The following SLC4A3 variants were observed in gnomAD, a reference collection of about 807,000 sequenced individuals.
SLC4A3 encodes the protein solute carrier family 4 member 3, also known as anion exchange protein 3.
In SLC4A3, 47 loss-of-function variants were observed where a neutral mutation model predicts 114.2. That is an observed-to-expected ratio of 0.41 (90% CI 0.33 to 0.52). The LOEUF (loss-of-function observed/expected upper bound fraction) is 0.52, where lower values mean the gene tolerates loss of function less well. Among genes scored for constraint, SLC4A3 ranks in the 20% least tolerant of loss-of-function variants. SLC4A3 has a pLI of 0.21. For synonymous variants in SLC4A3, 693 were observed against 710.3 expected, an observed-to-expected ratio of 0.98 and a Z score of 0.39; for missense variants, 1,312 against 1,668.3, an observed-to-expected ratio of 0.79 and a Z score of 3.72.
Position 219,628,271 on chromosome 2 carries a change from A to G in SLC4A3, c.52-134A>G. 6 of 996,096 alleles carry G rather than the reference A, an allele frequency of 6.0e-6. No individual in the cohort carries two copies. Among genetic ancestry groups the G allele is most frequent in the Non-Finnish European group, 8.7e-6 (6 of 689,020 alleles). 61.7% of individuals were successfully genotyped at this position (996,096 alleles called of 1,614,324 possible). A position where few individuals can be genotyped will look rare whatever the true frequency, so the allele number is the denominator to read the frequency against. On this transcript the variant is annotated intron_variant, in intron 2 of 22. Coordinates refer to ENST00000358055, the MANE Select transcript of SLC4A3 (RefSeq NM_005070.4). This position sits in a 1 kb window ranked among gnomAD's most constrained non-coding sequence, Gnocchi z 4.8. ...AGGGTGGTTTCTGGGATGCTGACAC[A>G]GGCCTGGGAGCAAGGGGAGGGGGCC...
chr2:219,638,926 G>A lies in SLC4A3; in HGVS notation c.3023+57G>A. On this transcript the variant is annotated intron_variant, in intron 19 of 22. Coordinates refer to ENST00000358055, the MANE Select transcript of SLC4A3 (RefSeq NM_005070.4). This position sits in a 1 kb window ranked among gnomAD's most constrained non-coding sequence, Gnocchi z 7.5. ...ACGAGGCCAAGCTCCTTGGCTCCTT[G>A]GCTTGGTTTCAGGGTTATAGCAGGG... is the stretch of plus-strand genomic sequence containing the variant. 6.3e-7 allele frequency: 1 copy of A among 1,583,944 alleles called. No individual in the cohort carries two copies. Among genetic ancestry groups the A allele is most frequent in the Non-Finnish European group, 8.6e-7 (1 of 1,164,038 alleles).
intron 8 of SLC4A3, 98 bp from the exon 9 acceptor site, chr2:219,632,776 C>T (rs1180960940): frequency 4.0e-6 from 6 of 1,510,228 alleles, no homozygotes; most frequent in Middle Eastern, 1.7e-4. Context: ...TTTGCCCTTC[C>T]AGCACATTCG....
rs1371205447 is a variant in SLC4A3, at chr2:219,640,835, G to A, written c.3494G>A (p.Cys1165Tyr). 1.9e-6 allele frequency: 3 copies of A among 1,612,498 alleles called. No homozygotes were observed. The highest frequency in any genetic ancestry group is 8.5e-7 in the Non-Finnish European group (1 of 1,180,020). Residue 1165 changes from cysteine to tyrosine, a missense_variant, in exon 22 of 23, where the codon TGC becomes TAC. Coordinates refer to ENST00000358055, the MANE Select transcript of SLC4A3 (RefSeq NM_005070.4). ...CTGTTCACCTGCATCCAGCTGGGCT[G>A]CATCGCACTGCTCTGGGTGGTCAAG... ...MHLFTCIQLG[C>Y]IALLWVVKST...
chr2:219,640,369 G>A, intron 20 of SLC4A3, 61 bp from the exon 21 acceptor site: 1 of 1,557,696 alleles, frequency 6.4e-7, no homozygotes, highest in Non-Finnish European at 8.7e-7. Flanking sequence ...ACCTCTTCCA[G>A]GCCTGTCCAT....
chr2:219,632,674 G>A (rs1038582163), intron 8 of SLC4A3, among the ~76,000 whole-genome samples, 200 bp from the exon 9 acceptor site: 2 of 152,220 alleles, frequency 1.3e-5, no homozygotes, highest in African/African-American at 2.4e-5. Flanking sequence ...GGGAGGGGCC[G>A]TGCCCTCGTT....
In SLC4A3 at chr2:219,631,020, T is replaced by A. The variant is rs576221133; in HGVS notation, c.811+668T>A. The A allele has an allele frequency of 1.9e-4, 128 of 656,918 alleles. No homozygotes were observed. The African/African-American group carries it at 2.6e-3, about 13-fold the overall frequency. The allele number at this position is 656,918 out of a possible 1,614,324, so 40.7% of individuals were successfully genotyped here. On this transcript the variant is annotated intron_variant, in intron 6 of 22. Transcript: ENST00000358055. The surrounding 1 kb of genome is among the most constrained non-coding windows in gnomAD (Gnocchi z 6.3). ...GACAGGAACAATCCGATGGCAGCAG[T>A]AGCAGCAGGATGGGGGGTGGGGGAG...
At chr2:219,629,886 G>T (rs116193715) in intron 5 of SLC4A3, among the ~76,000 whole-genome samples, 191 bp downstream of exon 5, 42 of 144,278 alleles carry the variant, frequency 2.9e-4, no homozygotes, top group Middle Eastern at 6.9e-3. Flanking sequence ...AGAACAAGGG[G>T]GGGGGGAGAA....
rs1217816944 is a variant in SLC4A3 at position 219,639,192 on chromosome 2, C to T, written c.3024-290C>T. ...AGAACACTCTAGCAGTCTAAGCTTG[C>T]ACCCAGGGATGCTCACATGTATCTA... On this transcript the variant is annotated intron_variant, in intron 19 of 22. Coordinates refer to ENST00000358055, the MANE Select transcript of SLC4A3 (RefSeq NM_005070.4). The surrounding 1 kb of genome is among the most constrained non-coding windows in gnomAD (Gnocchi z 5.9). 1.3e-5 allele frequency among the ~76,000 whole-genome samples: 2 copies of T among 152,184 alleles called. No homozygotes were observed. The highest frequency in any genetic ancestry group is 4.8e-5 in the African/African-American group (2 of 41,428).
rs976890389 is a variant in SLC4A3, at chr2:219,627,898, A to G, written c.-93-2A>G. 6 of 942,716 alleles carry G rather than the reference A, an allele frequency of 6.4e-6. No individual in the cohort carries two copies. The highest frequency in any genetic ancestry group is 3.5e-5 in the African/African-American group (2 of 57,908). 58.4% of individuals were successfully genotyped at this position (942,716 alleles called of 1,614,324 possible). On this transcript the variant is annotated splice_acceptor_variant, in intron 1 of 22. Transcript: ENST00000358055. LOFTEE classifies it low-confidence loss of function (5UTR_SPLICE). ...GAACCTGACCCCGCCCTCCTCCCCCAGGGCTCCCCGCTAGGCCCCCTCAGT... is the reference window on the plus strand; with the variant it reads ...GAACCTGACCCCGCCCTCCTCCCCCGGGGCTCCCCGCTAGGCCCCCTCAGT...
In SLC4A3 at chr2:219,641,664, A is replaced by T; in HGVS notation, c.3635A>T (p.Asp1212Val). 6.2e-7 allele frequency: 1 copy of T among 1,614,022 alleles called. No individual in the cohort carries two copies. The highest frequency in any genetic ancestry group is 1.7e-4 in the Middle Eastern group (1 of 6,060). Residue 1212 changes from aspartate (D) to valine (V), a missense_variant, in exon 23 of 23, where the codon GAT (aspartate) becomes GTT (valine). By Grantham distance (152) the Asp-to-Val change is radical. This residue lies in a region of SLC4A3 where 301 missense variants were observed against 460.7 expected (regional missense o/e 0.65). Coordinates refer to ENST00000358055, the MANE Select transcript of SLC4A3 (RefSeq NM_005070.4). This position sits in a 1 kb window ranked among gnomAD's most constrained non-coding sequence, Gnocchi z 4.0. Reference sequence around the variant, plus strand: ...TTCCCTCTGCAGCTGGACTCGGAAGATGCTGAACCAAACTTCGATGAGGAT... The same window carrying T: ...TTCCCTCTGCAGCTGGACTCGGAAGTTGCTGAACCAAACTTCGATGAGGAT... ...DRELQALDSE[D>V]AEPNFDEDGQ... is the part of the protein sequence containing the mutation.
In SLC4A3 at chr2:219,640,588, T is replaced by A; in HGVS notation, c.3436T>A (p.Tyr1146Asn). 1 of 1,613,968 alleles carries A rather than the reference T, an allele frequency of 6.2e-7. No individual in the cohort carries two copies. The highest frequency in any genetic ancestry group is 8.5e-7 in the Non-Finnish European group (1 of 1,179,916). The change falls in exon 21 of 23, where the codon TAT becomes AAT. Residue 1146 changes from tyrosine (Y) to asparagine (N), a missense_variant. Physicochemically the swap from Tyr to Asn is moderately radical, Grantham distance 143. Transcript: ENST00000358055. The stretch of plus-strand genomic sequence containing the variant: ...GGCAAAACACCATCCTGAGCAGCCC[T>A]ATGTGACCAAGGTAGGGCCGGGAAG... ...MPAKHHPEQP[Y>N]VTKVKTWRMH...
At position 219,638,864 on chromosome 2, in the gene SLC4A3, C is replaced by G; in HGVS notation, c.3018C>G (p.Ile1006Met). 4.3e-6 allele frequency: 7 copies of G among 1,613,490 alleles called. No homozygotes were observed. The highest frequency in any genetic ancestry group is 5.1e-6 in the Non-Finnish European group (6 of 1,179,986). ...VLILIFMETQ[I>M]TALIVSQKAR... The stretch of plus-strand genomic sequence containing the variant: ...TCCTGATCTTCATGGAGACACAGAT[C>G]ACGGCGTGAGAGAGATGGGAGGAGG... The change falls in exon 19 of 23, where the codon ATC becomes ATG. Residue 1006 changes from isoleucine to methionine, a missense_variant. Physicochemically the swap from Ile to Met is conservative, Grantham distance 10. Transcript: ENST00000358055. This position sits in a 1 kb window ranked among gnomAD's most constrained non-coding sequence, Gnocchi z 7.5.
intron 20 of SLC4A3, among the ~76,000 whole-genome samples, chr2:219,640,122 G>T (rs1699269991): frequency 6.6e-6 from 1 of 152,122 alleles, no homozygotes; most frequent in Admixed American, 6.5e-5. Context: ...TAGAGACAGG[G>T]GTTTCACCGT....
chr2:219,629,286 C>A lies in SLC4A3; in HGVS notation c.360C>A (p.Ser120=). 6.2e-7 allele frequency: 1 copy of A among 1,613,904 alleles called. No individual in the cohort carries two copies. Among genetic ancestry groups the A allele is most frequent in the Non-Finnish European group, 8.5e-7 (1 of 1,179,898 alleles). ...AGGAGAAAACCTCTGCTCCTCCCTC[C>A]GAGGGGACCCCTCCCATCCAGGAGG... The part of the protein sequence containing the change: ...RKKEKTSAPP[S]EGTPPIQEEG... The change falls in exon 4 of 23, where the codon TCC becomes TCA. Residue 120 remains serine (S), a synonymous_variant. Coordinates refer to ENST00000358055, the MANE Select transcript of SLC4A3 (RefSeq NM_005070.4).
Position 219,641,764 on chromosome 2 carries a change from C to T in SLC4A3, c.*36C>T. 6.4e-7 allele frequency: 1 copy of T among 1,566,694 alleles called. No individual in the cohort carries two copies. The highest frequency in any genetic ancestry group is 1.3e-5 in the African/African-American group (1 of 74,096). On this transcript the variant is annotated 3_prime_UTR_variant, in exon 23 of 23. Transcript: ENST00000358055. The surrounding 1 kb of genome is among the most constrained non-coding windows in gnomAD (Gnocchi z 4.0). ...CAGTGCCCCTCAGAGACCCCAAGAC[C>T]TTAGGGATTGACACCTGGGCCTCAG... is the stretch of plus-strand genomic sequence containing the variant.
In SLC4A3 at chr2:219,631,823, A is replaced by G; in HGVS notation, c.812-145A>G. ...CAGTCTTCTTATCAATGAAATGGCC[A>G]CATGGGATTATGTGGTTCCCGTCGG... is the stretch of plus-strand genomic sequence containing the variant. On this transcript the variant is annotated intron_variant, in intron 6 of 22. Transcript: ENST00000358055. The surrounding 1 kb of genome is among the most constrained non-coding windows in gnomAD (Gnocchi z 6.3). The G allele has an allele frequency of 1.1e-6, 1 of 883,450 alleles. No individual in the cohort carries two copies. 54.7% of individuals were successfully genotyped at this position (883,450 alleles called of 1,614,324 possible).
Position 219,628,292 on chromosome 2 carries a change from G to A in SLC4A3, c.52-113G>A. On this transcript the variant is annotated intron_variant, in intron 2 of 22. Transcript: ENST00000358055. The surrounding 1 kb of genome is among the most constrained non-coding windows in gnomAD (Gnocchi z 4.8). ...ACACAGGCCTGGGAGCAAGGGGAGG[G>A]GGCCCGATGGTGTGAGAGCCTGCTG... The A allele has an allele frequency of 8.6e-7, 1 of 1,162,594 alleles. No homozygotes were observed. The highest frequency in any genetic ancestry group is 2.6e-5 in the East Asian group (1 of 38,790). The allele number at this position is 1,162,594 out of a possible 1,614,324, so 72.0% of individuals were successfully genotyped here.
rs1469874555 is a variant in SLC4A3 at position 219,637,714 on chromosome 2, C to T, written c.2669C>T (p.Pro890Leu). Reference protein sequence around the residue: ...TEGPPSPRNQPNTALLSLILM... With the variant: ...TEGPPSPRNQLNTALLSLILM... Reference sequence around the variant, plus strand: ...GGCCCCCCCAGCCCGAGGAACCAGCCCAATACGGCACTGCTCTCACTCATC... The same window carrying T: ...GGCCCCCCCAGCCCGAGGAACCAGCTCAATACGGCACTGCTCTCACTCATC... Residue 890 changes from proline to leucine, a missense_variant, in exon 17 of 23, where the codon CCC (proline) becomes CTC (leucine). Pro to Leu is a moderately conservative substitution (Grantham distance 98). Around this residue, in one of 4 missense-constraint regions of SLC4A3, gnomAD observed 301 missense variants for 460.7 expected, o/e 0.65. Transcript: ENST00000358055. The surrounding 1 kb of genome is among the most constrained non-coding windows in gnomAD (Gnocchi z 4.6). 1 of 1,613,852 alleles carries T rather than the reference C, an allele frequency of 6.2e-7. No individual in the cohort carries two copies. The highest frequency in any genetic ancestry group is 1.7e-5 in the Admixed American group (1 of 60,002).
intron 8 of SLC4A3, 55 bp downstream of exon 8, chr2:219,632,497 G>T: frequency 6.6e-7 from 1 of 1,505,784 alleles, no homozygotes; most frequent in East Asian, 2.3e-5. Context: ...TCTGTGCCAG[G>T]CTGCTCAGTT....
Sources: gnomAD v4.1 joint callset for allele counts (sites outside exome capture counted in the v4.1 genomes callset) on GRCh38, gnomAD v4.1.1 for gene constraint, gnomAD v4.1.1 regional missense constraint, Gnocchi (gnomAD v3.1) non-coding constraint, MANE v1.5 for transcripts, NCBI Gene and HGNC (gene_info 2026-07-23, HGNC 2026-07-21) for gene names.